Variants in MYCBP2 observed in about 807,000 individuals in gnomAD.
MYCBP2 encodes E3 ubiquitin-protein ligase MYCBP2.
MYCBP2 carries 120 observed loss-of-function variants against 525.3 expected under a neutral mutation model. The ratio of observed to expected loss-of-function variants is 0.23; its 90% CI spans 0.20 to 0.27. The LOEUF (loss-of-function observed/expected upper bound fraction) is 0.27, where lower values mean the gene tolerates loss of function less well. Among genes scored for constraint, MYCBP2 ranks in the 10% least tolerant of loss-of-function variants. The pLI is 1.00. For missense variants in MYCBP2, 4,149 were observed against 5,657.1 expected, an observed-to-expected ratio of 0.73 and a Z score of 8.55; for synonymous variants, 1,894 against 1,955.8, an observed-to-expected ratio of 0.97 and a Z score of 0.83.
At position 77,247,548 on chromosome 13, in the gene MYCBP2, T is replaced by C. The variant is rs1042864950; in HGVS notation, c.2382-3597A>G. On this transcript the variant is annotated intron_variant, in intron 15 of 82. Transcript: ENST00000544440. Reference sequence around the variant, plus strand: ...GTAATCCCTATCAAAATCCCAATGATGGTTTTTACAAAATAGAAAAACCTA... The same window carrying C: ...GTAATCCCTATCAAAATCCCAATGACGGTTTTTACAAAATAGAAAAACCTA... 4.6e-5 allele frequency among the ~76,000 whole-genome samples: 7 copies of C among 152,202 alleles called. No homozygotes were observed. In the East Asian group the frequency reaches 9.6e-4, roughly 21 times the overall value.
intron 56 of MYCBP2, among the ~76,000 whole-genome samples, chr13:77,096,909 C>CA (rs1341137576): frequency 6.6e-6 from 1 of 152,064 alleles, no homozygotes; most frequent in African/African-American, 2.4e-5. Context: ...GAATATTAGT[C>CA]AATGTTACAG....
At chr13:77,294,364 T>C (rs1379996665) in intron 2 of MYCBP2, among the ~76,000 whole-genome samples, 1 of 151,752 alleles carries the variant, frequency 6.6e-6, no homozygotes, top group Non-Finnish European at 1.5e-5. Context: ...GCATAATGCC[T>C]GCACATACTC....
intron 17 of MYCBP2, among the ~76,000 whole-genome samples, chr13:77,240,943 T>G (rs1182428922): frequency 6.6e-6 from 1 of 152,232 alleles, no homozygotes; most frequent in Non-Finnish European, 1.5e-5. Flanking sequence ...ATAAAATTTA[T>G]GTACACCAAT....
At chr13:77,202,306 G>T (rs1171447958) in intron 26 of MYCBP2, among the ~76,000 whole-genome samples, 5 of 152,000 alleles carry the variant, frequency 3.3e-5, no homozygotes, top group Non-Finnish European at 5.9e-5. Context: ...ATGGATAAGG[G>T]ATTCCTGGAC....
Position 77,265,638 on chromosome 13 carries a change from A to G in MYCBP2, c.1358-1636T>C, listed in dbSNP as rs145222136. 3.8e-3 allele frequency among the ~76,000 whole-genome samples: 573 copies of G among 152,314 alleles called. 3 individuals are homozygous for G. Among genetic ancestry groups the G allele is most frequent in the Non-Finnish European group, 6.4e-3 (432 of 68,014 alleles). On this transcript the variant is annotated intron_variant, in intron 8 of 82. Transcript: ENST00000544440. Reference sequence around the variant, plus strand: ...AACTTGAAACATGGTATTCATTACCATCTATAAACCTGACAATTTACTTCT... The same window carrying G: ...AACTTGAAACATGGTATTCATTACCGTCTATAAACCTGACAATTTACTTCT...
intron 1 of MYCBP2, among the ~76,000 whole-genome samples, chr13:77,306,585 G>C (rs1020068002): frequency 6.6e-6 from 1 of 152,132 alleles, no homozygotes; most frequent in African/African-American, 2.4e-5. Flanking sequence ...TAAGTGAGGG[G>C]AAGAGAACTC....
At chr13:77,104,581 C>T (rs2047573187) in intron 55 of MYCBP2, among the ~76,000 whole-genome samples, 1 of 151,974 alleles carries the variant, frequency 6.6e-6, no homozygotes. Flanking sequence ...TTCTAGATGA[C>T]CAAATAGATG....
chr13:77,234,594 T>C (rs1292973210), intron 17 of MYCBP2, among the ~76,000 whole-genome samples: 1 of 151,994 alleles, frequency 6.6e-6, no homozygotes, highest in East Asian at 1.9e-4. Context: ...ACATGCTAAT[T>C]TAATGTTAAC....
chr13:77,201,680 T>C (rs1257075744), intron 26 of MYCBP2, among the ~76,000 whole-genome samples: 3 of 150,764 alleles, frequency 2.0e-5, no homozygotes, highest in South Asian at 4.3e-4. Flanking sequence ...GAACAGAAAT[T>C]ATAACAAACT....
chr13:77,116,646 C>T (rs1379643144), intron 55 of MYCBP2, among the ~76,000 whole-genome samples: 1 of 151,852 alleles, frequency 6.6e-6, no homozygotes, highest in Non-Finnish European at 1.5e-5. Flanking sequence ...CAGAAAATTG[C>T]TAATTGAAAC....
At chr13:77,216,238 G>A (rs553727844) in intron 21 of MYCBP2, among the ~76,000 whole-genome samples, 1 of 152,206 alleles carries the variant, frequency 6.6e-6, no homozygotes, top group Non-Finnish European at 1.5e-5. Context: ...ACAAATACCT[G>A]AGTCTATACC....
chr13:77,056,016 C>T (rs927752579), intron 79 of MYCBP2, among the ~76,000 whole-genome samples: 10 of 151,642 alleles, frequency 6.6e-5, no homozygotes, highest in African/African-American at 1.9e-4. Context: ...ATATTTCCTG[C>T]GTCTGAAATA....
At chr13:77,068,053 A>C (rs1024410954) in intron 70 of MYCBP2, among the ~76,000 whole-genome samples, 189 bp from the exon 71 acceptor site, 2 of 152,144 alleles carry the variant, frequency 1.3e-5, no homozygotes, top group Admixed American at 6.5e-5. Context: ...TTTGCCTCCC[A>C]AAGTGCTGGG....
At chr13:77,111,436 CTT>C (rs779969571) in intron 55 of MYCBP2, among the ~76,000 whole-genome samples, 92 of 137,000 alleles carry the variant, frequency 6.7e-4, no homozygotes, top group Admixed American at 8.1e-4. Flanking sequence ...ATGTCACTTC[CTT>C]TTTTTTTTTT....
In MYCBP2 at chr13:77,206,752, C is replaced by G; in HGVS notation, c.3490G>C (p.Asp1164His). 1 of 1,612,456 alleles carries G rather than the reference C, an allele frequency of 6.2e-7. No individual in the cohort carries two copies. The highest frequency in any genetic ancestry group is 2.2e-5 in the East Asian group (1 of 44,852). ...AGGATACTACATCTGGACTGCATGT[C>G]TGCTGCAGAGGGAAGCCTGGCATCA... ...VADARLPSAA[D>H]MQSRCSILSP... The change falls in exon 24 of 83, where the codon GAC (aspartate) becomes CAC (histidine). Residue 1164 changes from aspartate (D) to histidine (H), a missense_variant. Around this residue, in one of 21 missense-constraint regions of MYCBP2, gnomAD observed 620 missense variants for 795.5 expected, o/e 0.78. Coordinates refer to ENST00000544440, the MANE Select transcript of MYCBP2 (RefSeq NM_015057.5).
At chr13:77,316,355 G>C (rs1394265750) in intron 1 of MYCBP2, among the ~76,000 whole-genome samples, 1 of 152,092 alleles carries the variant, frequency 6.6e-6, no homozygotes, top group Non-Finnish European at 1.5e-5. Flanking sequence ...GTTCATTCAG[G>C]CTGCCCCCAA....
intron 70 of MYCBP2, among the ~76,000 whole-genome samples, chr13:77,068,266 A>C (rs1227437661): frequency 6.6e-6 from 1 of 152,208 alleles, no homozygotes; most frequent in African/African-American, 2.4e-5. Flanking sequence ...CACGAAAAAA[A>C]ATACCTTTTC....
At chr13:77,101,408 C>T (rs192637843) in intron 55 of MYCBP2, among the ~76,000 whole-genome samples, 8 of 152,164 alleles carry the variant, frequency 5.3e-5, no homozygotes, top group African/African-American at 1.9e-4. Context: ...CTGATGCTAC[C>T]TCTATTCTAG....
At chr13:77,298,886 C>A (rs913005533) in intron 1 of MYCBP2, among the ~76,000 whole-genome samples, 2 of 152,162 alleles carry the variant, frequency 1.3e-5, no homozygotes, top group Non-Finnish European at 2.9e-5. Context: ...ATTGTGAGGG[C>A]ATGATGAATG....
Sources: gnomAD v4.1 joint callset for allele counts (sites outside exome capture counted in the v4.1 genomes callset) on GRCh38, gnomAD v4.1.1 for gene constraint, gnomAD v4.1.1 regional missense constraint, MANE v1.5 for transcripts, NCBI Gene and HGNC (gene_info 2026-07-23, HGNC 2026-07-21) for gene names.